CHN2: variants seen among roughly 807,000 people sequenced by gnomAD.
The protein encoded by CHN2 is beta-chimaerin.
A neutral mutation model predicts 56.3 loss-of-function variants in CHN2; 35 were observed. The ratio of observed to expected loss-of-function variants is 0.62; its 90% CI spans 0.47 to 0.82. The LOEUF (loss-of-function observed/expected upper bound fraction) is 0.82. Ranked by LOEUF, CHN2 falls within the 40% of genes least tolerant of loss-of-function variation. CHN2 has a pLI of 0.00. For synonymous variants in CHN2, 210 were observed against 212.8 expected, an observed-to-expected ratio of 0.99 and a Z score of 0.12; for missense variants, 491 against 580.5, an observed-to-expected ratio of 0.85 and a Z score of 1.58.
chr7:29,318,448 G>A (rs754413286), intron 1 of CHN2, among the ~76,000 whole-genome samples: 23 of 152,154 alleles, frequency 1.5e-4, no homozygotes, highest in Non-Finnish European at 2.6e-4. Context: ...GAGGGTTCTA[G>A]AGAGGTCTGG....
chr7:29,508,786 C>T (rs1463286538), intron 11 of CHN2, among the ~76,000 whole-genome samples: 4 of 152,202 alleles, frequency 2.6e-5, no homozygotes, highest in South Asian at 2.1e-4. Flanking sequence ...AGTATGCCAA[C>T]GCCACGGTGA....
chr7:29,353,864 T>C (rs949217940), intron 1 of CHN2, among the ~76,000 whole-genome samples: 1 of 152,348 alleles, frequency 6.6e-6, no homozygotes, highest in East Asian at 1.9e-4. Context: ...CAAGGCCTTA[T>C]AGCTGTGAGT....
At chr7:29,297,859 A>G (rs892145515) in intron 1 of CHN2, among the ~76,000 whole-genome samples, 1 of 152,186 alleles carries the variant, frequency 6.6e-6, no homozygotes, top group Admixed American at 6.5e-5. Flanking sequence ...AGAGGAAAAA[A>G]GAAGGCGTTT....
At chr7:29,318,532 G>A (rs948552284) in intron 1 of CHN2, among the ~76,000 whole-genome samples, 11 of 152,212 alleles carry the variant, frequency 7.2e-5, no homozygotes, top group African/African-American at 2.7e-4. Context: ...TGTAGAGTGA[G>A]AAGAGACAAG....
chr7:29,308,393 C>A (rs1417636014), intron 1 of CHN2, among the ~76,000 whole-genome samples: 2 of 152,234 alleles, frequency 1.3e-5, no homozygotes, highest in Non-Finnish European at 1.5e-5. Flanking sequence ...CTATCACTTA[C>A]AACCCAATAT....
intron 6 of CHN2, among the ~76,000 whole-genome samples, chr7:29,442,698 A>G (rs1783729145): frequency 6.6e-6 from 1 of 152,006 alleles, no homozygotes; most frequent in Non-Finnish European, 1.5e-5. Flanking sequence ...ATATGCATAT[A>G]TTGTGTCTGT....
At chr7:29,398,871 G>C (rs888751061) in intron 5 of CHN2, among the ~76,000 whole-genome samples, 1 of 151,660 alleles carries the variant, frequency 6.6e-6, no homozygotes, top group African/African-American at 2.4e-5. Context: ...CAAAGTTCTG[G>C]GATTACAGTC....
At chr7:29,171,905 C>T (rs1209952297) in intron 2 of CHN2, among the ~76,000 whole-genome samples, 1 of 152,146 alleles carries the variant, frequency 6.6e-6, no homozygotes, top group African/African-American at 2.4e-5. Context: ...TGGAGGGAAG[C>T]CCCCAATTCC....
chr7:29,425,845 G>A (rs992946289), intron 6 of CHN2, among the ~76,000 whole-genome samples: 43 of 152,220 alleles, frequency 2.8e-4, no homozygotes, highest in African/African-American at 7.2e-4. Context: ...AGAATTTGCT[G>A]TACATATCTT....
intron 7 of CHN2, among the ~76,000 whole-genome samples, chr7:29,488,505 C>A (rs528471298): frequency 1.8e-4 from 28 of 152,290 alleles, no homozygotes; most frequent in Admixed American, 1.5e-3. Context: ...TTAGCTCTCT[C>A]TTCTGTGAAC....
intron 2 of CHN2, among the ~76,000 whole-genome samples, chr7:29,360,827 G>A (rs1798680163): frequency 6.6e-6 from 1 of 152,238 alleles, no homozygotes; most frequent in Non-Finnish European, 1.5e-5. Context: ...GGCCACCCAG[G>A]CTGTGGGCTT....
At chr7:29,232,858 G>A (rs752839908) in intron 1 of CHN2, among the ~76,000 whole-genome samples, 39 of 152,098 alleles carry the variant, frequency 2.6e-4, no homozygotes, top group Non-Finnish European at 4.4e-4. Context: ...TATTTTAAAC[G>A]GACAGTGGTG....
At chr7:29,195,057 C>G in intron 1 of CHN2, 67 bp downstream of exon 1, 1 of 1,504,324 alleles carries the variant, frequency 6.6e-7, no homozygotes, top group Non-Finnish European at 9.0e-7. Flanking sequence ...GCCCCGCAGC[C>G]TGGGATGGAC....
At chr7:29,465,476 T>C (rs772659392) in intron 6 of CHN2, among the ~76,000 whole-genome samples, 7 of 152,172 alleles carry the variant, frequency 4.6e-5, no homozygotes, top group Non-Finnish European at 1.0e-4. Context: ...CTTTTCATCC[T>C]CTGAGGAACC....
rs184045948 is a variant in CHN2, at chr7:29,375,477, T to G, written c.144+7490T>G. Reference sequence around the variant, plus strand: ...TCCCAAAGTGCTGGGATTACGGGCGTGAGCCACCGCACCTGGCTGATTTTT... The same window carrying G: ...TCCCAAAGTGCTGGGATTACGGGCGGGAGCCACCGCACCTGGCTGATTTTT... On this transcript the variant is annotated intron_variant, in intron 3 of 12. Coordinates refer to ENST00000222792, the MANE Select transcript of CHN2 (RefSeq NM_004067.4). Among the ~76,000 whole-genome samples the G allele has an allele frequency of 2.2e-4, 33 of 152,318 alleles. No homozygotes were observed. The East Asian group carries it at 5.8e-3, about 27-fold the overall frequency.
At chr7:29,509,644 A>C in intron 12 of CHN2, 1 of 343,440 alleles carries the variant, frequency 2.9e-6, no homozygotes, top group South Asian at 2.9e-5. Context: ...GGAGATTGAG[A>C]CCATCCTGGC....
intron 6 of CHN2, among the ~76,000 whole-genome samples, chr7:29,422,874 T>C (rs1224837186): frequency 6.6e-6 from 1 of 152,204 alleles, no homozygotes; most frequent in East Asian, 1.9e-4. Flanking sequence ...ACTAATGTTC[T>C]GAGAAACACA....
intron 7 of CHN2, among the ~76,000 whole-genome samples, chr7:29,488,965 G>A (rs1035932086): frequency 5.3e-5 from 8 of 152,100 alleles, no homozygotes; most frequent in African/African-American, 1.9e-4. Flanking sequence ...TTACAGTTTC[G>A]ATCCCAGGCT....
intron 6 of CHN2, among the ~76,000 whole-genome samples, chr7:29,465,635 C>A (rs185034467): frequency 6.6e-6 from 1 of 152,294 alleles, no homozygotes; most frequent in Non-Finnish European, 1.5e-5. Context: ...ACAAGAAATT[C>A]TTAGCAAACA....
Sources: gnomAD v4.1 joint callset for allele counts (sites outside exome capture counted in the v4.1 genomes callset) on GRCh38, gnomAD v4.1.1 for gene constraint, MANE v1.5 for transcripts, NCBI Gene and HGNC (gene_info 2026-07-23, HGNC 2026-07-21) for gene names.